Variants in TBCK observed in about 807,000 individuals in gnomAD.
TBCK encodes the protein TBC1 domain containing kinase, also known as TBC domain-containing protein kinase-like protein.
In TBCK, 99 loss-of-function variants were observed where a neutral mutation model predicts 113.4. The observed-to-expected ratio is 0.87, with a 90% CI of 0.74 to 1.03. The LOEUF is 1.03. Ranked by LOEUF, TBCK falls within the 50% of genes least tolerant of loss-of-function variation. The pLI is 0.00. For synonymous variants in TBCK, 369 were observed against 370.8 expected, an observed-to-expected ratio of 1.00 and a Z score of 0.05; for missense variants, 1,045 against 1,061.3, an observed-to-expected ratio of 0.98 and a Z score of 0.21.
chr4:106,151,133 A>G (rs950027239), intron 23 of TBCK, among the ~76,000 whole-genome samples: 1 of 152,072 alleles, frequency 6.6e-6, no homozygotes, highest in African/African-American at 2.4e-5. Flanking sequence ...CATGCAATGC[A>G]TAATAATAAT....
At chr4:106,184,894 T>G (rs72891619) in intron 22 of TBCK, among the ~76,000 whole-genome samples, 1 of 152,084 alleles carries the variant, frequency 6.6e-6, no homozygotes, top group Non-Finnish European at 1.5e-5. Context: ...ATTCTTAACA[T>G]AGTTGTCTTA....
At chr4:106,150,221 GT>G (rs1262840703) in intron 23 of TBCK, among the ~76,000 whole-genome samples, 9 of 152,170 alleles carry the variant, frequency 5.9e-5, no homozygotes, top group African/African-American at 2.2e-4. Context: ...GCGGCAAAAG[GT>G]TAGAATAATA....
At position 106,233,011 on chromosome 4, in the gene TBCK, T is replaced by C. The variant is rs145621380; in HGVS notation, c.1566A>G (p.Pro522=). The C allele has an allele frequency of 1.8e-4, 283 of 1,612,232 alleles. No individual in the cohort carries two copies. In the African/African-American group the frequency reaches 3.4e-3, roughly 19 times the overall value. Residue 522 remains proline (P), a synonymous_variant, in exon 17 of 26, where the codon CCA becomes CCG. Coordinates refer to ENST00000394708, the MANE Select transcript of TBCK (RefSeq NM_001163435.3). ...CACGCCTAAATTTTGCATGACCTTC[T>C]GGTGATGATAACAGTTCATCGTACT... is the stretch of plus-strand genomic sequence containing the variant. ...CHQYDELLSS[P]EGHAKFRRVL...
intron 3 of TBCK, among the ~76,000 whole-genome samples, chr4:106,270,949 C>T (rs1173161022): frequency 1.3e-5 from 2 of 152,032 alleles, no homozygotes; most frequent in Non-Finnish European, 2.9e-5. Flanking sequence ...CCAAAAATAG[C>T]CAAATTTTAT....
rs1370054065 is a variant in TBCK at position 106,243,909 on chromosome 4, A to G, written c.1070+717T>C. Among the ~76,000 whole-genome samples, 3 of 151,770 alleles carry G rather than the reference A, an allele frequency of 2.0e-5. No individual in the cohort carries two copies. In the East Asian group the frequency reaches 5.8e-4, roughly 29 times the overall value. On this transcript the variant is annotated intron_variant, in intron 11 of 25. Transcript: ENST00000394708. Reference sequence around the variant, plus strand: ...GCCATGTTGCCCAGGCTGATCTCAAACTCCTAGGTTCAAGCAATCCACCTG... The same window carrying G: ...GCCATGTTGCCCAGGCTGATCTCAAGCTCCTAGGTTCAAGCAATCCACCTG...
chr4:106,116,949 C>T (rs1030043864), intron 23 of TBCK, among the ~76,000 whole-genome samples: 13 of 151,364 alleles, frequency 8.6e-5, no homozygotes, highest in Non-Finnish European at 1.8e-4. Flanking sequence ...ATAAATGTAA[C>T]GTGCTTGATT....
chr4:106,303,914 C>A (rs1048145463), intron 2 of TBCK, among the ~76,000 whole-genome samples: 1 of 152,092 alleles, frequency 6.6e-6, no homozygotes, highest in African/African-American at 2.4e-5. Context: ...ACTCCACCCT[C>A]GGATCATGAC....
At chr4:106,103,868 A>T (rs1741836237) in intron 24 of TBCK, among the ~76,000 whole-genome samples, 1 of 152,186 alleles carries the variant, frequency 6.6e-6, no homozygotes, top group Non-Finnish European at 1.5e-5. Context: ...GAAAAGTAAG[A>T]CAGGACAACG....
chr4:106,160,907 A>G (rs995306252), intron 23 of TBCK, among the ~76,000 whole-genome samples: 15 of 152,210 alleles, frequency 9.9e-5, no homozygotes, highest in African/African-American at 3.6e-4. Context: ...AATGTGGTAT[A>G]TATACAAAAT....
chr4:106,240,646 T>C (rs763815268), intron 12 of TBCK, among the ~76,000 whole-genome samples: 15 of 152,184 alleles, frequency 9.9e-5, no homozygotes, highest in Middle Eastern at 3.4e-3. Flanking sequence ...TATTGATGTA[T>C]ATTTTAAACT....
Position 106,042,967 on chromosome 4 carries a change from C to T in TBCK, c.*3603G>A, listed in dbSNP as rs189192243. The T allele has an allele frequency of 2.0e-5, 3 of 152,182 alleles. No homozygotes were observed. Among genetic ancestry groups the T allele is most frequent in the East Asian group, 1.9e-4 (1 of 5,168 alleles). 9.4% of individuals were successfully genotyped at this position (152,182 alleles called of 1,614,324 possible). On this transcript the variant is annotated 3_prime_UTR_variant, in exon 26 of 26. Coordinates refer to ENST00000394708, the MANE Select transcript of TBCK (RefSeq NM_001163435.3). ...TTTCATGGAGCGGAGTTCCTTGAGA[C>T]GGTCACTTCATAAAGAGGTCTTAAT...
chr4:106,131,712 AACAG>A (rs1280721024), intron 23 of TBCK, among the ~76,000 whole-genome samples: 1 of 152,224 alleles, frequency 6.6e-6, no homozygotes. Flanking sequence ...GGAACTGAGT[AACAG>A]ACAGAAGTTG....
chr4:106,298,743 GAAGAAAA>G (rs1314469270), intron 2 of TBCK, among the ~76,000 whole-genome samples: 2 of 152,142 alleles, frequency 1.3e-5, no homozygotes, highest in Non-Finnish European at 2.9e-5. Context: ...GTGAAATTGT[GAAGAAAA>G]AAGAAAATCA....
In TBCK at chr4:106,051,624, T is replaced by C. The variant is rs1432501025; in HGVS notation, c.2572-4944A>G. Among the ~76,000 whole-genome samples the C allele has an allele frequency of 3.3e-5, 5 of 151,862 alleles. No individual in the cohort carries two copies. In the East Asian group the frequency reaches 9.7e-4, roughly 29 times the overall value. The stretch of plus-strand genomic sequence containing the variant: ...CCTCTGGAATGCTTAATATGACACA[T>C]ATTCAATATTTCTGGCACTGTGTGA... On this transcript the variant is annotated intron_variant, in intron 25 of 25. Transcript: ENST00000394708.
At chr4:106,110,639 T>C (rs1466741924) in intron 24 of TBCK, among the ~76,000 whole-genome samples, 1 of 152,118 alleles carries the variant, frequency 6.6e-6, no homozygotes, top group Non-Finnish European at 1.5e-5. Context: ...AACAAGTGGG[T>C]AGAAATCTTA....
intron 24 of TBCK, among the ~76,000 whole-genome samples, chr4:106,108,122 C>G (rs1167859908): frequency 6.6e-6 from 1 of 152,090 alleles, no homozygotes; most frequent in African/African-American, 2.4e-5. Context: ...AAATAGCCTA[C>G]CAACCAAAAA....
At chr4:106,170,576 C>T (rs571891791) in intron 23 of TBCK, among the ~76,000 whole-genome samples, 5 of 152,002 alleles carry the variant, frequency 3.3e-5, no homozygotes, top group Admixed American at 6.6e-5. Flanking sequence ...AATTCAATTT[C>T]GTGGAAATAA....
intron 19 of TBCK, among the ~76,000 whole-genome samples, chr4:106,214,302 T>G (rs376676455): frequency 6.6e-6 from 1 of 152,030 alleles, no homozygotes; most frequent in Non-Finnish European, 1.5e-5. Context: ...ACTCTAAAAA[T>G]CAGAGCGCCT....
intron 2 of TBCK, among the ~76,000 whole-genome samples, chr4:106,296,720 C>T (rs879052621): frequency 6.6e-6 from 1 of 151,076 alleles, no homozygotes; most frequent in Admixed American, 6.6e-5. Context: ...ATAAAAGATT[C>T]CAATTGTAGA....
Sources: allele counts gnomAD v4.1 joint callset (sites outside exome capture counted in the v4.1 genomes callset), GRCh38; gene constraint gnomAD v4.1.1; transcripts MANE v1.5; gene names NCBI Gene and HGNC (gene_info 2026-07-23, HGNC 2026-07-21).